The following DHX58 variants were observed in gnomAD, a reference collection of about 807,000 sequenced individuals.
DHX58 encodes the protein DExH-box helicase 58, also known as ATP-dependent RNA helicase DHX58.
Under a neutral mutation model 65.0 loss-of-function variants are expected in DHX58, and 51 were observed. The ratio of observed to expected loss-of-function variants is 0.78; its 90% CI spans 0.63 to 0.99. The LOEUF (loss-of-function observed/expected upper bound fraction) is 0.99, where lower values mean the gene tolerates loss of function less well. Ranked by LOEUF, DHX58 falls within the 50% of genes least tolerant of loss-of-function variation. The probability of loss-of-function intolerance (pLI) is 0.00; values close to 1 mark genes in which losing one functional copy is unlikely to be tolerated. For missense variants in DHX58, 773 were observed against 891.8 expected (o/e 0.87, Z 1.70); for synonymous variants, 350 against 365.0 (o/e 0.96, Z 0.47).
At chr17:42,112,488 C>A in intron 1 of DHX58, 117 bp downstream of exon 1, 1 of 155,388 alleles carries the variant, frequency 6.4e-6, no homozygotes. Flanking sequence ...CCTCCCTTTG[C>A]CCAGGACTCC....
chr17:42,104,663 A>G (rs1400706798), intron 11 of DHX58, 103 bp downstream of exon 11: 1 of 1,476,214 alleles, frequency 6.8e-7, no homozygotes, highest in Non-Finnish European at 9.1e-7. Flanking sequence ...TAGCCCCGAG[A>G]TGTAGAGGGG....
chr17:42,111,738 A>G lies in DHX58; in HGVS notation c.155T>C (p.Val52Ala), dbSNP rs2054159285. 1 of 1,611,656 alleles carries G rather than the reference A, an allele frequency of 6.2e-7. No individual in the cohort carries two copies. Among genetic ancestry groups the G allele is most frequent in the Admixed American group, 1.7e-5 (1 of 59,894 alleles). ...CAGACCACTCACCCTGTTGACCAAT[A>G]CAACCACCTTGGCTCCATCCACAGT... ...LETVDGAKVV[V>A]LVNRVHLVTQ... Residue 52 changes from valine to alanine, a missense_variant, in exon 3 of 14, where the codon GTA becomes GCA. Coordinates refer to ENST00000251642, the MANE Select transcript of DHX58 (RefSeq NM_024119.3).
intron 8 of DHX58, 125 bp from the exon 9 acceptor site, chr17:42,106,114 G>T: frequency 1.1e-6 from 1 of 891,632 alleles, no homozygotes; most frequent in Non-Finnish European, 1.7e-6. Context: ...AGCTATGATT[G>T]CACCACTGCA....
At chr17:42,101,986 C>T in intron 13 of DHX58, 40 bp from the exon 14 acceptor site, 1 of 1,563,936 alleles carries the variant, frequency 6.4e-7, no homozygotes, top group South Asian at 1.1e-5. Flanking sequence ...GGGTCTCTGG[C>T]CTCAGACTGG....
rs781864590 is a variant in DHX58 at position 42,103,702 on chromosome 17, G to C, written c.1660C>G (p.Leu554Val). 3 of 1,613,868 alleles carry C rather than the reference G, an allele frequency of 1.9e-6. No individual in the cohort carries two copies. In the South Asian group the frequency reaches 3.3e-5, roughly 18 times the overall value. The stretch of plus-strand genomic sequence containing the variant: ...GCCACCATGCAGTTGATGCAGAGTA[G>C]CTGCACGTGCTCCACTGGGAACTGC... ...RQQFPVEHVQ[L>V]LCINCMVAVG... Residue 554 changes from leucine (L) to valine (V), a missense_variant, in exon 12 of 14, where the codon CTA becomes GTA. By Grantham distance (32) the Leu-to-Val change is conservative (BLOSUM62 1). Coordinates refer to ENST00000251642, the MANE Select transcript of DHX58 (RefSeq NM_024119.3).
intron 8 of DHX58, among the ~76,000 whole-genome samples, chr17:42,106,421 G>C (rs1555662693): frequency 7.7e-6 from 1 of 130,716 alleles, no homozygotes; most frequent in Non-Finnish European, 1.6e-5. Flanking sequence ...TAGGACTGTA[G>C]GCGTGCAGAA....
chr17:42,109,261 CCCGCGTACCTGGCT>C lies in DHX58; in HGVS notation c.673_678+8del, dbSNP rs781795690. The stretch of plus-strand genomic sequence containing the variant: ...CTCCCGCTCTCGCCGTGTCCCTGCC[CCCGCGTACCTGGCT>C]GCGCCTGTGGCAGAGGTTGTACTGT... On this transcript the variant is annotated splice_donor_variant and splice_donor_5th_base_variant and coding_sequence_variant and intron_variant, in exon 6 of 14. Transcript: ENST00000251642. LOFTEE classifies it high-confidence loss of function. 6.2e-7 allele frequency: 1 copy of C among 1,607,490 alleles called. No individual in the cohort carries two copies. Among genetic ancestry groups the C allele is most frequent in the East Asian group, 2.2e-5 (1 of 44,698 alleles).
In DHX58 at chr17:42,109,073, C is replaced by T. The variant is rs190441162; in HGVS notation, c.678+197G>A. ...GTGATGTGACAGACACCAGTGGTGCCTTCTGAGTCAATCCAAAGAGCGGGC... is the reference window on the plus strand; with the variant it reads ...GTGATGTGACAGACACCAGTGGTGCTTTCTGAGTCAATCCAAAGAGCGGGC... On this transcript the variant is annotated intron_variant, in intron 6 of 13. Transcript: ENST00000251642. Among the ~76,000 whole-genome samples the T allele has an allele frequency of 8.3e-4, 127 of 152,360 alleles. No homozygotes were observed. In the East Asian group the frequency reaches 0.02, roughly 24 times the overall value.
intron 8 of DHX58, among the ~76,000 whole-genome samples, chr17:42,107,076 T>A (rs1236006379): frequency 5.3e-5 from 8 of 151,528 alleles, no homozygotes; most frequent in Non-Finnish European, 8.8e-5. Flanking sequence ...TTTTAAAAAA[T>A]CTGGGCCGGG....
chr17:42,102,168 G>T (rs1249175947), intron 13 of DHX58, 48 bp downstream of exon 13: 2 of 1,600,754 alleles, frequency 1.2e-6, no homozygotes, highest in Non-Finnish European at 1.7e-6. Flanking sequence ...GGCCTCTGAA[G>T]ACTGGGGCTG....
Position 42,107,992 on chromosome 17 carries a change from C to T in DHX58, c.795G>A (p.Leu265=). The change falls in exon 7 of 14, where the codon CTG becomes CTA. Residue 265 remains leucine (L), a synonymous_variant. Coordinates refer to ENST00000251642, the MANE Select transcript of DHX58 (RefSeq NM_024119.3). ...GGCTGCCCCTCTCACCAGCCTCACT[C>T]AGCTTCACCACCTGCTGCTCATACA... The part of the protein sequence containing the change: ...TQMYEQQVVK[L]SEAAALAGLQ... The T allele has an allele frequency of 6.2e-7, 1 of 1,614,228 alleles. No homozygotes were observed. Among genetic ancestry groups the T allele is most frequent in the Non-Finnish European group, 8.5e-7 (1 of 1,180,040 alleles).
Position 42,107,710 on chromosome 17 carries a change from G to C in DHX58, c.891C>G (p.Val297=). The C allele has an allele frequency of 6.2e-7, 1 of 1,611,294 alleles. No individual in the cohort carries two copies. The highest frequency in any genetic ancestry group is 2.2e-5 in the East Asian group (1 of 44,784). ...YNDALLIHDT[V]RAVDALAALQ... The stretch of plus-strand genomic sequence containing the variant: ...GCGCAGCCAAGGCATCCACGGCGCG[G>C]ACGGTGTCATGGATGAGCAGCGCGT... Residue 297 remains valine, a synonymous_variant, in exon 8 of 14, where the codon GTC becomes GTG. Transcript: ENST00000251642.
Position 42,105,000 on chromosome 17 carries a change from G to A in DHX58, c.1401+18C>T, listed in dbSNP as rs2054033371. 1.9e-6 allele frequency: 3 copies of A among 1,612,188 alleles called. No individual in the cohort carries two copies. The highest frequency in any genetic ancestry group is 2.5e-6 in the Non-Finnish European group (3 of 1,178,902). ...CAGGATCCTATAAGGGCGGCTGAGTGGAGGAGGATGTGAGTACCTGGACCA... is the reference window on the plus strand; with the variant it reads ...CAGGATCCTATAAGGGCGGCTGAGTAGAGGAGGATGTGAGTACCTGGACCA... On this transcript the variant is annotated intron_variant, in intron 10 of 13. Transcript: ENST00000251642.
chr17:42,107,046 G>C (rs1243548525), intron 8 of DHX58, among the ~76,000 whole-genome samples: 1 of 151,876 alleles, frequency 6.6e-6, no homozygotes, highest in African/African-American at 2.4e-5. Flanking sequence ...CAGTCTAAAG[G>C]AACCACTCCT....
chr17:42,107,574 C>G, intron 8 of DHX58, 30 bp downstream of exon 8: 1 of 1,522,650 alleles, frequency 6.6e-7, no homozygotes, highest in Non-Finnish European at 8.8e-7. Flanking sequence ...CCCATCATCC[C>G]CGGCCCCGAA....
chr17:42,106,661 G>A (rs782472238), intron 8 of DHX58, among the ~76,000 whole-genome samples: 34 of 127,086 alleles, frequency 2.7e-4, no homozygotes, highest in Admixed American at 9.6e-4. Context: ...TTAGCTGGGC[G>A]TGGTGATGCA....
rs200712702 is a variant in DHX58, at chr17:42,111,281, G to T, written c.370+15C>A. The T allele has an allele frequency of 6.2e-7, 1 of 1,604,228 alleles. No homozygotes were observed. The highest frequency in any genetic ancestry group is 8.5e-7 in the Non-Finnish European group (1 of 1,172,326). On this transcript the variant is annotated intron_variant, in intron 4 of 13. Transcript: ENST00000251642. Reference sequence around the variant, plus strand: ...CCCAGATGCGTATCTTTTTCCTCCCGGCCATGGCCCTCACCAGTGAGCTCC... The same window carrying T: ...CCCAGATGCGTATCTTTTTCCTCCCTGCCATGGCCCTCACCAGTGAGCTCC...
intron 4 of DHX58, among the ~76,000 whole-genome samples, 154 bp downstream of exon 4, chr17:42,111,142 C>G (rs560710611): frequency 6.6e-6 from 1 of 152,318 alleles, no homozygotes; most frequent in African/African-American, 2.4e-5. Flanking sequence ...ATAGCCCGGC[C>G]TGTTTCTACT....
intron 1 of DHX58, 31 bp from the exon 2 acceptor site, chr17:42,112,236 G>A (rs1555664576): frequency 4.7e-6 from 1 of 210,950 alleles, no homozygotes; most frequent in Non-Finnish European, 9.4e-6. Flanking sequence ...AGCCGACTTA[G>A]GAATCTCCCA....
Sources: allele counts gnomAD v4.1 joint callset (sites outside exome capture counted in the v4.1 genomes callset), GRCh38; gene constraint gnomAD v4.1.1; transcripts MANE v1.5; gene names NCBI Gene and HGNC (gene_info 2026-07-23, HGNC 2026-07-21).